The following AKNAD1 variants were observed in gnomAD, a reference collection of about 807,000 sequenced individuals.
AKNAD1 encodes protein AKNAD1.
Under a neutral mutation model 90.8 loss-of-function variants are expected in AKNAD1, and 67 were observed. The observed-to-expected ratio is 0.74, with a 90% CI of 0.61 to 0.90. The LOEUF is 0.90. Ranked by LOEUF, AKNAD1 falls within the 40% of genes least tolerant of loss-of-function variation. The pLI is 0.00. For synonymous variants in AKNAD1, 327 were observed against 341.4 expected, an observed-to-expected ratio of 0.96 and a Z score of 0.46; for missense variants, 957 against 975.4, an observed-to-expected ratio of 0.98 and a Z score of 0.25.
In AKNAD1 at chr1:108,832,762, A is replaced by G. The variant is rs181727651; in HGVS notation, c.1746+1685T>C. ...TGAAAATAGATTGAGTTTCAAAAATAGCAAGATTAAAATAATGAGATATCA... is the reference window on the plus strand; with the variant it reads ...TGAAAATAGATTGAGTTTCAAAAATGGCAAGATTAAAATAATGAGATATCA... On this transcript the variant is annotated intron_variant, in intron 9 of 15. Coordinates refer to ENST00000370001, the MANE Select transcript of AKNAD1 (RefSeq NM_152763.5). Among the ~76,000 whole-genome samples, 92 of 152,348 alleles carry G rather than the reference A, an allele frequency of 6.0e-4. 1 individual carries two copies. Among genetic ancestry groups the G allele is most frequent in the African/African-American group, 2.0e-3 (85 of 41,582 alleles).
intron 6 of AKNAD1, among the ~76,000 whole-genome samples, chr1:108,841,360 G>A (rs1664546703): frequency 6.6e-6 from 1 of 152,026 alleles, no homozygotes; most frequent in Non-Finnish European, 1.5e-5. Flanking sequence ...TTTGAGGGAA[G>A]TTGTGATCTT....
intron 10 of AKNAD1, 130 bp from the exon 11 acceptor site, chr1:108,827,432 C>G (rs1664040085): frequency 1.5e-6 from 1 of 667,326 alleles, no homozygotes; most frequent in African/African-American, 1.8e-5. Context: ...GGCTTGTCAT[C>G]CTCTACACAG....
chr1:108,823,359 G>A lies in AKNAD1; in HGVS notation c.2167+11C>T. ...TTGATATGGATGGGGTCATGCAGGA[G>A]ATGTACTTACAGGGTGAAGAGTTTT... On this transcript the variant is annotated intron_variant, in intron 13 of 15. Coordinates refer to ENST00000370001, the MANE Select transcript of AKNAD1 (RefSeq NM_152763.5). The A allele has an allele frequency of 6.3e-7, 1 of 1,581,678 alleles. No individual in the cohort carries two copies. Among genetic ancestry groups the A allele is most frequent in the Non-Finnish European group, 8.7e-7 (1 of 1,150,392 alleles).
rs1321638282 is a variant in AKNAD1, at chr1:108,827,262, A to G, written c.1879T>C (p.Cys627Arg). 1.2e-6 allele frequency: 2 copies of G among 1,611,798 alleles called. No individual in the cohort carries two copies. The highest frequency in any genetic ancestry group is 1.7e-4 in the Middle Eastern group (1 of 6,022). ...VEKKGHGRIN[C>R]GRFSIVLHEK... is the part of the protein sequence containing the mutation. ...TGAAGGACAATTGAAAATCTTCCAC[A>G]GTTGATCCTTCCGTGGCCCTTTTTC... The change falls in exon 11 of 16, where the codon TGT (cysteine) becomes CGT (arginine). Residue 627 changes from cysteine (C) to arginine (R), a missense_variant. By Grantham distance (180) the Cys-to-Arg change is radical (BLOSUM62 -3). Transcript: ENST00000370001.
At chr1:108,851,239 C>G (rs534123663) in intron 2 of AKNAD1, among the ~76,000 whole-genome samples, 11 of 152,064 alleles carry the variant, frequency 7.2e-5, no homozygotes, top group Admixed American at 3.3e-4. Flanking sequence ...CTTAGGAGAC[C>G]TGAAAAGTTA....
intron 11 of AKNAD1, among the ~76,000 whole-genome samples, chr1:108,826,718 C>CT (rs1211035823): frequency 6.9e-6 from 1 of 144,104 alleles, no homozygotes; most frequent in Admixed American, 7.1e-5. Context: ...GAAAGTGATT[C>CT]TTTTTTTCTT....
intron 6 of AKNAD1, among the ~76,000 whole-genome samples, chr1:108,839,805 G>T (rs1234921251): frequency 2.0e-5 from 3 of 152,094 alleles, no homozygotes; most frequent in African/African-American, 7.2e-5. Flanking sequence ...AGTATCACTT[G>T]AACCCAGGAG....
At chr1:108,826,914 A>AT (rs888323997) in intron 11 of AKNAD1, among the ~76,000 whole-genome samples, 6 of 149,238 alleles carry the variant, frequency 4.0e-5, no homozygotes, top group African/African-American at 7.4e-5. Flanking sequence ...TAATTTTTGT[A>AT]TTTTTTTTGT....
Position 108,852,725 on chromosome 1 carries a change from C to A in AKNAD1, c.-61G>T. ...CTGAGCTGGCTGCTGTCAGTTGTAA[C>A]AATAGCTCTGGTTCTCACTGACTGT... On this transcript the variant is annotated 5_prime_UTR_variant, in exon 2 of 16. Coordinates refer to ENST00000370001, the MANE Select transcript of AKNAD1 (RefSeq NM_152763.5). 6.7e-7 allele frequency: 1 copy of A among 1,485,796 alleles called. No homozygotes were observed. 92.0% of individuals were successfully genotyped at this position (1,485,796 alleles called of 1,614,324 possible). A position where few individuals can be genotyped will look rare whatever the true frequency, so the allele number is the denominator to read the frequency against.
chr1:108,849,255 G>T (rs1379085652), intron 3 of AKNAD1, among the ~76,000 whole-genome samples, 195 bp from the exon 4 acceptor site: 6 of 152,028 alleles, frequency 3.9e-5, no homozygotes, highest in Non-Finnish European at 1.5e-5. Flanking sequence ...CCAAAGCGGG[G>T]GGATCACTTG....
chr1:108,853,512 G>A (rs1294829137), intron 1 of AKNAD1, among the ~76,000 whole-genome samples: 1 of 151,720 alleles, frequency 6.6e-6, no homozygotes, highest in East Asian at 1.9e-4. Context: ...ATGGAAGCTG[G>A]CCTAGCTCAC....
At chr1:108,828,589 G>C (rs1015025472) in intron 10 of AKNAD1, among the ~76,000 whole-genome samples, 1 of 151,826 alleles carries the variant, frequency 6.6e-6, no homozygotes, top group Admixed American at 6.6e-5. Context: ...ACACATGCTC[G>C]CCGCGCTGTG....
intron 5 of AKNAD1, among the ~76,000 whole-genome samples, chr1:108,844,276 T>C (rs1348008367): frequency 6.6e-6 from 1 of 151,754 alleles, no homozygotes; most frequent in Non-Finnish European, 1.5e-5. Flanking sequence ...GGCAGGAAAA[T>C]CACTTGAGCC....
At chr1:108,820,672 C>T in intron 13 of AKNAD1, 46 bp from the exon 14 acceptor site, 1 of 1,139,072 alleles carries the variant, frequency 8.8e-7, no homozygotes, top group South Asian at 1.3e-5. Context: ...CAAAAATGAG[C>T]CCCAAATGGT....
intron 7 of AKNAD1, 61 bp downstream of exon 7, chr1:108,837,489 C>T (rs1482777479): frequency 6.7e-7 from 1 of 1,499,520 alleles, no homozygotes; most frequent in African/African-American, 1.4e-5. Context: ...AATTAGGAGT[C>T]TATAAATGCA....
chr1:108,816,650 G>A (rs1311237145), intron 15 of AKNAD1, among the ~76,000 whole-genome samples: 1 of 152,194 alleles, frequency 6.6e-6, no homozygotes, highest in Non-Finnish European at 1.5e-5. Context: ...CACTGAGAGG[G>A]TATTCAGGGA....
At chr1:108,854,382 T>G (rs547930122) in intron 1 of AKNAD1, among the ~76,000 whole-genome samples, 2 of 152,330 alleles carry the variant, frequency 1.3e-5, no homozygotes, top group East Asian at 3.9e-4. Flanking sequence ...TTATGTTGGG[T>G]GAGCAGATCT....
intron 9 of AKNAD1, chr1:108,830,857 T>C (rs1664176286): frequency 2.0e-5 from 12 of 597,920 alleles, no homozygotes; most frequent in Non-Finnish European, 3.6e-5. Context: ...AGTTCTGATG[T>C]GTCACTCAGT....
Position 108,830,588 on chromosome 1 carries a change from G to C in AKNAD1, c.1809C>G (p.Ser603Arg), listed in dbSNP as rs749175799. ...CAAGGAGCCTGCGACAGAAGGCACA[G>C]CTCGGACTGGGTGCCGTCATCTCTG... is the stretch of plus-strand genomic sequence containing the variant. ...DCAEMTAPSP[S>R]CAFCRRLLEW... The change falls in exon 10 of 16, where the codon AGC (serine) becomes AGG (arginine). Residue 603 changes from serine to arginine, a missense_variant. By Grantham distance (110) the Ser-to-Arg change is moderately radical (BLOSUM62 -1). Transcript: ENST00000370001. The C allele has an allele frequency of 6.2e-7, 1 of 1,613,950 alleles. No homozygotes were observed. The highest frequency in any genetic ancestry group is 8.5e-7 in the Non-Finnish European group (1 of 1,180,022).
Sources: allele counts gnomAD v4.1 joint callset (sites outside exome capture counted in the v4.1 genomes callset), GRCh38; gene constraint gnomAD v4.1.1; transcripts MANE v1.5; gene names NCBI Gene and HGNC (gene_info 2026-07-23, HGNC 2026-07-21).